LRP12: variants seen among roughly 807,000 people sequenced by gnomAD.
LRP12 encodes low-density lipoprotein receptor-related protein 12.
A neutral mutation model predicts 66.0 loss-of-function variants in LRP12; 14 were observed. That is an observed-to-expected ratio of 0.21 (90% CI 0.14 to 0.33). LRP12 has a LOEUF of 0.33. Ranked by LOEUF, LRP12 falls within the 10% of genes least tolerant of loss-of-function variation. The pLI is 1.00. For synonymous variants in LRP12, 357 were observed against 359.1 expected (o/e 0.99, Z 0.07); for missense variants, 889 against 1,053.4 (o/e 0.84, Z 2.16).
intron 2 of LRP12, among the ~76,000 whole-genome samples, chr8:104,526,407 C>T (rs1200732650): frequency 6.6e-6 from 1 of 150,986 alleles, no homozygotes; most frequent in Admixed American, 6.6e-5. Flanking sequence ...AAGCTGGAGG[C>T]ATCACGCTAC....
rs1027832723 is a variant in LRP12 at position 104,497,073 on chromosome 8, G to A, written c.1479C>T (p.Val493=). ...ENCPVIVPTR[V]ITAAVIGSLI... is the part of the protein sequence containing the mutation. ...GGCTCCCTATGACGGCAGCAGTGAT[G>A]ACTCTTGTAGGCACGATTACTGGGC... Residue 493 remains valine, a synonymous_variant, in exon 5 of 7, where the codon GTC becomes GTT. Coordinates refer to ENST00000276654, the MANE Select transcript of LRP12 (RefSeq NM_013437.5). This position sits in a 1 kb window ranked among gnomAD's most constrained non-coding sequence, Gnocchi z 4.3. 6.2e-7 allele frequency: 1 copy of A among 1,612,444 alleles called. No individual in the cohort carries two copies. Among genetic ancestry groups the A allele is most frequent in the South Asian group, 1.1e-5 (1 of 90,842 alleles).
intron 6 of LRP12, among the ~76,000 whole-genome samples, chr8:104,493,956 G>T (rs1181743269): frequency 6.6e-6 from 1 of 152,154 alleles, no homozygotes; most frequent in Non-Finnish European, 1.5e-5. Context: ...CAAGTGAGCT[G>T]CTTTCAGTGA....
chr8:104,490,938 T>C lies in LRP12; in HGVS notation c.2315A>G (p.Asp772Gly), dbSNP rs1294811575. The change falls in exon 7 of 7, where the codon GAT becomes GGT. Residue 772 changes from aspartate to glycine, a missense_variant. Around this residue, in one of 3 missense-constraint regions of LRP12, gnomAD observed 800 missense variants for 964.5 expected, o/e 0.83. Transcript: ENST00000276654. ...AGAAATTGGAATTAGCATTTCAACA[T>C]CATCATCATCTTCTCTTCCACTTAC... ...NGVSGREDDDDVEMLIPISDG... is the reference protein window; with the variant it reads ...NGVSGREDDDGVEMLIPISDG... 6.2e-7 allele frequency: 1 copy of C among 1,613,936 alleles called. No homozygotes were observed. The highest frequency in any genetic ancestry group is 1.7e-5 in the Admixed American group (1 of 60,018).
chr8:104,564,126 T>A (rs1811957774), intron 1 of LRP12, among the ~76,000 whole-genome samples: 1 of 142,612 alleles, frequency 7.0e-6, no homozygotes, highest in African/African-American at 2.7e-5. Flanking sequence ...GGTGATCAAG[T>A]CATGATTTTT....
chr8:104,550,946 T>C (rs2140880286), intron 1 of LRP12, among the ~76,000 whole-genome samples: 1 of 152,310 alleles, frequency 6.6e-6, no homozygotes, highest in South Asian at 2.1e-4. Context: ...TTTTTAAAGG[T>C]ACATCTGACA....
intron 1 of LRP12, among the ~76,000 whole-genome samples, chr8:104,538,349 C>T (rs931369393): frequency 2.6e-5 from 4 of 152,072 alleles, no homozygotes; most frequent in African/African-American, 7.2e-5. Flanking sequence ...GTGCATCAAA[C>T]ACATTAGTCT....
chr8:104,512,137 T>G (rs931938068), intron 2 of LRP12, among the ~76,000 whole-genome samples: 1 of 152,124 alleles, frequency 6.6e-6, no homozygotes. Flanking sequence ...GCCAACATGG[T>G]GAAACCCCAT....
chr8:104,498,519 G>A (rs995970839), intron 4 of LRP12, among the ~76,000 whole-genome samples: 1 of 152,126 alleles, frequency 6.6e-6, no homozygotes, highest in Non-Finnish European at 1.5e-5. Flanking sequence ...ATGGCTTCCA[G>A]CTTCATCCAT....
chr8:104,560,359 A>G (rs1192187414), intron 1 of LRP12, among the ~76,000 whole-genome samples: 2 of 152,028 alleles, frequency 1.3e-5, no homozygotes, highest in Non-Finnish European at 2.9e-5. Context: ...CCCTCTGTCA[A>G]TCGTGCTTAG....
chr8:104,552,572 T>A (rs569267880), intron 1 of LRP12, among the ~76,000 whole-genome samples: 2 of 152,126 alleles, frequency 1.3e-5, no homozygotes, highest in South Asian at 4.1e-4. Flanking sequence ...ACTTAAGTCA[T>A]CTCATAGCTT....
At chr8:104,519,063 G>A (rs1396631537) in intron 2 of LRP12, among the ~76,000 whole-genome samples, 2 of 152,054 alleles carry the variant, frequency 1.3e-5, no homozygotes, top group Non-Finnish European at 2.9e-5. Flanking sequence ...ACTAAGCCCT[G>A]TAACCTGAAC....
intron 1 of LRP12, among the ~76,000 whole-genome samples, chr8:104,565,013 A>T (rs888973121): frequency 8.5e-5 from 13 of 152,198 alleles, no homozygotes; most frequent in African/African-American, 3.1e-4. Flanking sequence ...TTTAAATTAT[A>T]GAATAAAAAG....
Position 104,588,970 on chromosome 8 carries a change from A to ACGCCGACGC in LRP12, c.-74_-73insGCGTCGGCG, listed in dbSNP as rs1554712979. ...GAGAAGCTGGAGGTAGACGACGCCGACGCCGCCGCCGCCGCCGCCGCCGCC... is the reference window on the plus strand; with the variant it reads ...GAGAAGCTGGAGGTAGACGACGCCGACGCCGACGCCGCCGCCGCCGCCGCCGCCGCCGCC... On this transcript the variant is annotated 5_prime_UTR_variant, in exon 1 of 7. Transcript: ENST00000276654. 1.2e-4 allele frequency: 75 copies of ACGCCGACGC among 601,142 alleles called. No homozygotes were observed. Among genetic ancestry groups the ACGCCGACGC allele is most frequent in the Non-Finnish European group, 1.7e-4 (65 of 387,266 alleles). 37.2% of individuals were successfully genotyped at this position (601,142 alleles called of 1,614,324 possible). A position where few individuals can be genotyped will look rare whatever the true frequency, so the allele number is the denominator to read the frequency against.
chr8:104,555,610 T>A (rs1352412497), intron 1 of LRP12, among the ~76,000 whole-genome samples: 2 of 151,790 alleles, frequency 1.3e-5, no homozygotes, highest in Admixed American at 1.3e-4. Context: ...AAGGAAAATA[T>A]CACAATCCTA....
At chr8:104,521,075 T>C (rs1324305522) in intron 2 of LRP12, among the ~76,000 whole-genome samples, 3 of 152,068 alleles carry the variant, frequency 2.0e-5, no homozygotes, top group African/African-American at 7.2e-5. Flanking sequence ...TTGTTTATTA[T>C]AACATACAAT....
chr8:104,522,491 A>G (rs1811167174), intron 2 of LRP12, among the ~76,000 whole-genome samples: 1 of 152,110 alleles, frequency 6.6e-6, no homozygotes, highest in South Asian at 2.1e-4. Context: ...CTAAGTAAAT[A>G]TTCTCTCTCA....
In LRP12 at chr8:104,584,242, T is replaced by C. The variant is rs568619579; in HGVS notation, c.79+4577A>G. Among the ~76,000 whole-genome samples, 17 of 152,136 alleles carry C rather than the reference T, an allele frequency of 1.1e-4. No homozygotes were observed. In the East Asian group the frequency reaches 3.1e-3, roughly 28 times the overall value. The stretch of plus-strand genomic sequence containing the variant: ...ATTTAGAACAACCTTCCTCTTCTTA[T>C]AAAGACTTGCAGTAAGAACAGGATT... On this transcript the variant is annotated intron_variant, in intron 1 of 6. Coordinates refer to ENST00000276654, the MANE Select transcript of LRP12 (RefSeq NM_013437.5).
chr8:104,587,962 G>T (rs557801788), intron 1 of LRP12, among the ~76,000 whole-genome samples: 1 of 152,156 alleles, frequency 6.6e-6, no homozygotes, highest in Non-Finnish European at 1.5e-5. Context: ...ATTATCTTAA[G>T]AGATAGATGT....
At chr8:104,544,014 T>C (rs918850393) in intron 1 of LRP12, among the ~76,000 whole-genome samples, 10 of 152,146 alleles carry the variant, frequency 6.6e-5, no homozygotes, top group African/African-American at 2.4e-4. Flanking sequence ...AAAGAGTTAG[T>C]CAAGTTGTGT....
Sources: allele counts gnomAD v4.1 joint callset (sites outside exome capture counted in the v4.1 genomes callset), GRCh38; gene constraint gnomAD v4.1.1; regional missense constraint gnomAD v4.1.1; non-coding constraint Gnocchi (gnomAD v3.1); transcripts MANE v1.5; gene names NCBI Gene and HGNC (gene_info 2026-07-23, HGNC 2026-07-21).